DHRSX: variants seen among roughly 807,000 people sequenced by gnomAD.
The protein encoded by DHRSX is polyprenol dehydrogenase.
DHRSX carries 31 observed loss-of-function variants against 34.0 expected under a neutral mutation model. The observed-to-expected ratio is 0.91, with a 90% CI of 0.69 to 1.23. DHRSX has a LOEUF of 1.23. Ranked by LOEUF, DHRSX falls within the 50% of genes most tolerant of loss-of-function variation. DHRSX has a pLI of 0.00. For missense variants in DHRSX, 414 were observed against 428.1 expected, an observed-to-expected ratio of 0.97 and a Z score of 0.29; for synonymous variants, 201 against 183.8, an observed-to-expected ratio of 1.09 and a Z score of -0.76.
intron 3 of DHRSX, among the ~76,000 whole-genome samples, chrX:2,352,688 C>T (rs140632310): frequency 1.3e-5 from 2 of 152,172 alleles, no homozygotes; most frequent in Admixed American, 6.6e-5. Context: ...CACGTTTCGG[C>T]GTCTTCAGGG....
At chrX:2,360,560 GCA>G (rs1435960717) in intron 3 of DHRSX, among the ~76,000 whole-genome samples, 2 of 152,064 alleles carry the variant, frequency 1.3e-5, no homozygotes, top group African/African-American at 4.8e-5. Flanking sequence ...TCCAGCCTGG[GCA>G]ACAGAGTGAG....
chrX:2,290,019 G>A (rs902556505), intron 4 of DHRSX, among the ~76,000 whole-genome samples: 1 of 152,178 alleles, frequency 6.6e-6, no homozygotes, highest in Non-Finnish European at 1.5e-5. Flanking sequence ...ATGTCTGCAC[G>A]TATTTTTATG....
intron 4 of DHRSX, among the ~76,000 whole-genome samples, chrX:2,284,351 T>G (rs1483063153): frequency 1.0e-5 from 1 of 100,322 alleles, no homozygotes; most frequent in Non-Finnish European, 2.7e-5. Context: ...TTCATTTGAA[T>G]TCTTTCATTC....
At chrX:2,379,531 G>A (rs1474089552) in intron 3 of DHRSX, among the ~76,000 whole-genome samples, 1 of 149,942 alleles carries the variant, frequency 6.7e-6, no homozygotes, top group Non-Finnish European at 1.5e-5. Flanking sequence ...CGTAAAAGAC[G>A]TGTCCACTCA....
chrX:2,271,996 A>G (rs1481268584), intron 4 of DHRSX, among the ~76,000 whole-genome samples: 27 of 151,792 alleles, frequency 1.8e-4, no homozygotes, highest in African/African-American at 6.0e-4. Context: ...AGCCGAGATC[A>G]CACCACTGCA....
At chrX:2,294,315 A>G (rs2041904083) in intron 3 of DHRSX, among the ~76,000 whole-genome samples, 1 of 152,136 alleles carries the variant, frequency 6.6e-6, no homozygotes, top group African/African-American at 2.4e-5. Flanking sequence ...AGGCGAAGGC[A>G]GGCAGATCAC....
chrX:2,469,284 A>G (rs1048586717), intron 1 of DHRSX, among the ~76,000 whole-genome samples: 3 of 146,244 alleles, frequency 2.1e-5, no homozygotes, highest in Admixed American at 2.0e-4. Flanking sequence ...GCCACCGTGT[A>G]CACGCTGAAG....
At chrX:2,301,114 G>C (rs1246298543) in intron 3 of DHRSX, among the ~76,000 whole-genome samples, 1 of 152,184 alleles carries the variant, frequency 6.6e-6, no homozygotes, top group African/African-American at 2.4e-5. Flanking sequence ...TCTCGTGCTA[G>C]TAAGAAATAA....
intron 3 of DHRSX, among the ~76,000 whole-genome samples, chrX:2,346,221 G>A (rs2042709046): frequency 1.4e-5 from 2 of 140,978 alleles, no homozygotes; most frequent in East Asian, 4.2e-4. Flanking sequence ...CATGGCATCT[G>A]GACACGCAGC....
rs946759422 is a variant in DHRSX at position 2,476,413 on chromosome X, G to GAAAGA, written c.109+24399_109+24403dup. ...AACTCCATCTCAAAAAAAAAAAAAAGAAAGAAAAGAAAAGAAAACAGACAT... is the reference window on the plus strand; with the variant it reads ...AACTCCATCTCAAAAAAAAAAAAAAGAAAGAAAAGAAAAGAAAAGAAAACAGACAT... On this transcript the variant is annotated intron_variant, in intron 1 of 6. Coordinates refer to ENST00000334651, the MANE Select transcript of DHRSX (RefSeq NM_145177.3). Among the ~76,000 whole-genome samples the GAAAGA allele has an allele frequency of 7.6e-5, 11 of 144,790 alleles. No homozygotes were observed. In the South Asian group the frequency reaches 9.1e-4, roughly 12 times the overall value. The allele number at this position is 144,790 out of a possible 152,430, so 95.0% of individuals were successfully genotyped here. A position where few individuals can be genotyped will look rare whatever the true frequency, so the allele number is the denominator to read the frequency against.
chrX:2,371,285 C>T (rs936352864), intron 3 of DHRSX, among the ~76,000 whole-genome samples: 1 of 148,618 alleles, frequency 6.7e-6, no homozygotes, highest in African/African-American at 2.5e-5. Context: ...CTTCTGTTAC[C>T]ATAGTCCCTC....
intron 1 of DHRSX, among the ~76,000 whole-genome samples, chrX:2,469,367 A>C (rs956185704): frequency 6.6e-6 from 1 of 151,702 alleles, no homozygotes; most frequent in East Asian, 1.9e-4. Context: ...AATGCAGCCA[A>C]GGGACCGCCG....
At chrX:2,500,663 C>CCCCCGGCCACACCT (rs2045402748) in intron 1 of DHRSX, 154 bp downstream of exon 1, 1 of 125,624 alleles carries the variant, frequency 8.0e-6, no homozygotes, top group African/African-American at 2.7e-5. Context: ...CGCCCCCCCC[C>CCCCCGGCCACACCT]CACCCCCGGC....
chrX:2,464,932 C>G (rs17842867), intron 1 of DHRSX, among the ~76,000 whole-genome samples: 29,658 of 150,520 alleles, frequency 0.2, 4,099 homozygotes, highest in African/African-American at 0.4. Flanking sequence ...CATAGGCCAA[C>G]AGACTGCCAC....
intron 3 of DHRSX, among the ~76,000 whole-genome samples, chrX:2,402,883 C>CTTTTTTTTT (rs758977585): frequency 8.5e-6 from 1 of 117,770 alleles, no homozygotes; most frequent in Non-Finnish European, 1.8e-5. Flanking sequence ...TAATTGGTTT[C>CTTTTTTTTT]TTTTTTTTTT....
At chrX:2,416,937 AATG>A (rs1161123691) in intron 2 of DHRSX, among the ~76,000 whole-genome samples, 2 of 152,146 alleles carry the variant, frequency 1.3e-5, no homozygotes, top group Non-Finnish European at 2.9e-5. Context: ...CATTGTGTTC[AATG>A]ATATTTTTTC....
intron 1 of DHRSX, among the ~76,000 whole-genome samples, chrX:2,445,973 C>T (rs1327959386): frequency 1.3e-5 from 2 of 150,858 alleles, no homozygotes; most frequent in African/African-American, 2.4e-5. Context: ...GTCAAGGGAC[C>T]GCACTGAAGA....
intron 5 of DHRSX, among the ~76,000 whole-genome samples, chrX:2,266,039 T>C (rs1192958061): frequency 1.8e-5 from 2 of 114,222 alleles, no homozygotes; most frequent in Non-Finnish European, 1.7e-5. Flanking sequence ...AGCACCAGTG[T>C]ACAGCAGACG....
chrX:2,399,861 C>T (rs968947783), intron 3 of DHRSX, among the ~76,000 whole-genome samples: 7 of 151,632 alleles, frequency 4.6e-5, no homozygotes, highest in Admixed American at 4.6e-4. Flanking sequence ...AATGAGACCC[C>T]GTCTCTAGAA....
Sources: allele counts gnomAD v4.1 joint callset (sites outside exome capture counted in the v4.1 genomes callset), GRCh38; gene constraint gnomAD v4.1.1; transcripts MANE v1.5; gene names NCBI Gene and HGNC (gene_info 2026-07-23, HGNC 2026-07-21).